Variants in PDCD2L observed in about 807,000 individuals in gnomAD.
The protein encoded by PDCD2L is programmed cell death 2 like, also known as uS5 assembly chaperone PDCD2L.
In PDCD2L, 44 loss-of-function variants were observed where a neutral mutation model predicts 40.4. The ratio of observed to expected loss-of-function variants is 1.09; its 90% confidence interval spans 0.86 to 1.40. PDCD2L has a LOEUF of 1.40. PDCD2L is among the 40% of genes most tolerant of loss of function. PDCD2L has a pLI of 0.00. For synonymous variants in PDCD2L, 194 were observed against 174.6 expected (o/e 1.11, Z -0.88); for missense variants, 470 against 453.7 (o/e 1.04, Z -0.33).
intron 3 of PDCD2L, among the ~76,000 whole-genome samples, chr19:34,406,307 GC>G (rs922989073): frequency 1.6e-4 from 25 of 152,236 alleles, no homozygotes; most frequent in Admixed American, 5.2e-4. Context: ...GCTAGTTAAT[GC>G]ATTCATCACC....
intron 4 of PDCD2L, among the ~76,000 whole-genome samples, chr19:34,410,398 T>C (rs573286300): frequency 6.6e-6 from 1 of 152,044 alleles, no homozygotes. Context: ...ATTATAGCCA[T>C]GTGCCACCAT....
chr19:34,408,948 A>G (rs139729227), intron 3 of PDCD2L, among the ~76,000 whole-genome samples: 1 of 152,220 alleles, frequency 6.6e-6, no homozygotes, highest in East Asian at 1.9e-4. Flanking sequence ...TATCTGTCAC[A>G]CTCACCCCAA....
At chr19:34,412,873 G>A (rs923854459) in intron 4 of PDCD2L, among the ~76,000 whole-genome samples, 3 of 151,806 alleles carry the variant, frequency 2.0e-5, no homozygotes, top group African/African-American at 7.3e-5. Flanking sequence ...GGAATAGCCG[G>A]GACCACAGGT....
At chr19:34,419,463 T>G (rs1299857856) in intron 5 of PDCD2L, among the ~76,000 whole-genome samples, 6 of 150,852 alleles carry the variant, frequency 4.0e-5, no homozygotes, top group African/African-American at 1.5e-4. Context: ...CCATGTTGGG[T>G]TAATTTTATT....
At chr19:34,422,558 T>C (rs1371381021) in intron 6 of PDCD2L, among the ~76,000 whole-genome samples, 1 of 152,048 alleles carries the variant, frequency 6.6e-6, no homozygotes, top group Non-Finnish European at 1.5e-5. Flanking sequence ...TAAAGACAAA[T>C]AGCAAGTCAG....
At chr19:34,411,385 G>A (rs1167308881) in intron 4 of PDCD2L, among the ~76,000 whole-genome samples, 3 of 150,574 alleles carry the variant, frequency 2.0e-5, no homozygotes, top group Non-Finnish European at 4.4e-5. Context: ...GACCATAGGC[G>A]TGCGCCACTT....
Position 34,404,740 on chromosome 19 carries a change from A to G in PDCD2L, c.200A>G (p.Glu67Gly). 6.2e-7 allele frequency: 1 copy of G among 1,612,230 alleles called. No individual in the cohort carries two copies. The highest frequency in any genetic ancestry group is 8.5e-7 in the Non-Finnish European group (1 of 1,179,808). ...GTCGTGCAGGTGTATTGCCCGCTGGAAGGCTCCCCGTTTCACCGTCTGCTG... is the reference window on the plus strand; with the variant it reads ...GTCGTGCAGGTGTATTGCCCGCTGGGAGGCTCCCCGTTTCACCGTCTGCTG... ...ALVVQVYCPL[E>G]GSPFHRLLHV... is the part of the protein sequence containing the mutation. The change falls in exon 2 of 7, where the codon GAA becomes GGA. Residue 67 changes from glutamate (E) to glycine (G), a missense_variant. Transcript: ENST00000246535.
At chr19:34,411,137 G>T (rs1315673467) in intron 4 of PDCD2L, among the ~76,000 whole-genome samples, 2 of 148,444 alleles carry the variant, frequency 1.3e-5, no homozygotes, top group Admixed American at 6.7e-5. Context: ...ATTTTTGGTG[G>T]GTTTCTTCAG....
At chr19:34,421,093 G>A (rs1057514017) in intron 5 of PDCD2L, among the ~76,000 whole-genome samples, 10 of 152,028 alleles carry the variant, frequency 6.6e-5, no homozygotes, top group South Asian at 6.2e-4. Flanking sequence ...GGTAATGCTC[G>A]CTTGGCTGTT....
intron 4 of PDCD2L, among the ~76,000 whole-genome samples, chr19:34,410,903 G>T (rs952735374): frequency 2.0e-5 from 3 of 150,900 alleles, no homozygotes; most frequent in Admixed American, 2.0e-4. Context: ...TCTTGCCTCA[G>T]CCTCCCAAGT....
chr19:34,415,336 ACTC>A (rs1266920531), intron 5 of PDCD2L, among the ~76,000 whole-genome samples: 1 of 151,670 alleles, frequency 6.6e-6, no homozygotes, highest in Non-Finnish European at 1.5e-5. Flanking sequence ...CTGGTATCGA[ACTC>A]CTGACTTCAA....
At chr19:34,422,935 G>T (rs1474309712) in intron 6 of PDCD2L, among the ~76,000 whole-genome samples, 1 of 151,964 alleles carries the variant, frequency 6.6e-6, no homozygotes, top group East Asian at 1.9e-4. Context: ...AGCCAGGATG[G>T]TGTTGATCTC....
At chr19:34,423,666 G>A (rs992242353) in intron 6 of PDCD2L, among the ~76,000 whole-genome samples, 2 of 151,108 alleles carry the variant, frequency 1.3e-5, no homozygotes, top group African/African-American at 4.9e-5. Context: ...TGCTAATGTT[G>A]TATTTTTAAT....
At chr19:34,416,971 G>T (rs1312122394) in intron 5 of PDCD2L, among the ~76,000 whole-genome samples, 1 of 151,998 alleles carries the variant, frequency 6.6e-6, no homozygotes, top group East Asian at 1.9e-4. Flanking sequence ...AAAATTAGCC[G>T]GGCGTGGTGG....
At chr19:34,404,866 TG>T in intron 2 of PDCD2L, 51 bp downstream of exon 2, 1 of 1,609,844 alleles carries the variant, frequency 6.2e-7, no homozygotes. Context: ...TCCAGCGGGC[TG>T]GGGCGGGCCG....
Position 34,404,964 on chromosome 19 carries a change from C to T in PDCD2L, c.310C>T (p.Pro104Ser). 1 of 1,614,122 alleles carries T rather than the reference C, an allele frequency of 6.2e-7. No individual in the cohort carries two copies. The highest frequency in any genetic ancestry group is 2.2e-5 in the East Asian group (1 of 44,864). Residue 104 changes from proline (P) to serine (S), a missense_variant, in exon 3 of 7, where the codon CCA (proline) becomes TCA (serine). By Grantham distance (74) the Pro-to-Ser change is moderately conservative (BLOSUM62 -1). Transcript: ENST00000246535. ...GTTCCGCTCCCAGTGCCTGCAGGTGCCAGAGAGAGAGGCGCAGGACGCTCA... is the reference window on the plus strand; with the variant it reads ...GTTCCGCTCCCAGTGCCTGCAGGTGTCAGAGAGAGAGGCGCAGGACGCTCA... ...KVFRSQCLQV[P>S]EREAQDAQKQ... is the part of the protein sequence containing the mutation.
chr19:34,411,827 G>A (rs1308008520), intron 4 of PDCD2L, among the ~76,000 whole-genome samples: 1 of 151,256 alleles, frequency 6.6e-6, no homozygotes, highest in Non-Finnish European at 1.5e-5. Flanking sequence ...GTTAATTTTT[G>A]TATTTTTAGT....
chr19:34,406,839 T>A (rs1214756172), intron 3 of PDCD2L, among the ~76,000 whole-genome samples: 1 of 147,046 alleles, frequency 6.8e-6, no homozygotes, highest in African/African-American at 2.5e-5. Flanking sequence ...TTTTTTTTTT[T>A]TTTTTTTTTT....
In PDCD2L at chr19:34,413,820, T is replaced by C. The variant is rs1599872538; in HGVS notation, c.770T>C (p.Ile257Thr). 3.7e-6 allele frequency: 6 copies of C among 1,603,372 alleles called. No individual in the cohort carries two copies. Among genetic ancestry groups the C allele is most frequent in the East Asian group, 2.2e-5 (1 of 44,778 alleles). Residue 257 changes from isoleucine to threonine, a missense_variant, in exon 5 of 7, where the codon ATT (isoleucine) becomes ACT (threonine). Physicochemically the swap from Ile to Thr is moderately conservative, Grantham distance 89. Transcript: ENST00000246535. ...DQTFYKFMKRIAACQEQILRY... is the reference protein window; with the variant it reads ...DQTFYKFMKRTAACQEQILRY... The stretch of plus-strand genomic sequence containing the variant: ...ACGTTTTACAAATTCATGAAGCGAA[T>C]TGCTGCTTGTCAGGAGCAGATTTTG...
Sources: gnomAD v4.1 joint callset for allele counts (sites outside exome capture counted in the v4.1 genomes callset) on GRCh38, gnomAD v4.1.1 for gene constraint, MANE v1.5 for transcripts, NCBI Gene and HGNC (gene_info 2026-07-23, HGNC 2026-07-21) for gene names.